HIF1A: variants seen among roughly 807,000 people sequenced by gnomAD.
HIF1A encodes the protein hypoxia-inducible factor 1-alpha.
A neutral mutation model predicts 92.7 loss-of-function variants in HIF1A; 24 were observed. The ratio of observed to expected loss-of-function variants is 0.26; its 90% CI spans 0.19 to 0.36. The LOEUF (loss-of-function observed/expected upper bound fraction) is 0.36. Among genes scored for constraint, HIF1A ranks in the 10% least tolerant of loss-of-function variants. The pLI, the probability that HIF1A is intolerant of heterozygous loss-of-function variation, is 1.00. For synonymous variants in HIF1A, 319 were observed against 338.7 expected, an observed-to-expected ratio of 0.94 and a Z score of 0.64; for missense variants, 799 against 998.5, an observed-to-expected ratio of 0.80 and a Z score of 2.69.
At chr14:61,696,241 C>T (rs1025864542) in intron 1 of HIF1A, among the ~76,000 whole-genome samples, 1 of 152,280 alleles carries the variant, frequency 6.6e-6, no homozygotes, top group Non-Finnish European at 1.5e-5. Context: ...CCGCGGTTTG[C>T]ACCCGGAGCT....
At chr14:61,716,087 A>C (rs1035514515) in intron 1 of HIF1A, among the ~76,000 whole-genome samples, 2 of 152,168 alleles carry the variant, frequency 1.3e-5, no homozygotes, top group Non-Finnish European at 2.9e-5. Context: ...TGGGCCTGAG[A>C]CTTTAAGAAG....
chr14:61,702,273 CAAA>C (rs34312928), intron 1 of HIF1A, among the ~76,000 whole-genome samples: 1 of 101,968 alleles, frequency 9.8e-6, no homozygotes, highest in Non-Finnish European at 1.9e-5. Flanking sequence ...ACTAAAAATA[CAAA>C]AAAAAAAAAA....
chr14:61,745,950 G>A (rs143149331), intron 14 of HIF1A, 133 bp downstream of exon 14: 13,958 of 769,326 alleles, frequency 0.018, 189 homozygotes, highest in African/African-American at 0.036. Flanking sequence ...GTGGCTGGGC[G>A]CGGTGGCTCA....
At chr14:61,736,322 C>G (rs1320447148) in intron 8 of HIF1A, among the ~76,000 whole-genome samples, 3 of 152,048 alleles carry the variant, frequency 2.0e-5, no homozygotes, top group Admixed American at 2.0e-4. Context: ...TTATCTTGTA[C>G]TGGGGATTTT....
At chr14:61,712,677 T>C (rs570180821) in intron 1 of HIF1A, among the ~76,000 whole-genome samples, 75 of 150,988 alleles carry the variant, frequency 5.0e-4, no homozygotes, top group Middle Eastern at 3.5e-3. Flanking sequence ...GATATGCTGG[T>C]TAATTATGAT....
intron 1 of HIF1A, among the ~76,000 whole-genome samples, chr14:61,700,988 C>G (rs1358419244): frequency 6.6e-6 from 1 of 152,164 alleles, no homozygotes; most frequent in East Asian, 1.9e-4. Context: ...AAGGAGAATT[C>G]AATTTTTCTA....
At chr14:61,707,375 A>C (rs2044251574) in intron 1 of HIF1A, among the ~76,000 whole-genome samples, 1 of 152,082 alleles carries the variant, frequency 6.6e-6, no homozygotes, top group Admixed American at 6.5e-5. Context: ...TTACATATGT[A>C]TACATGTGCC....
intron 5 of HIF1A, 77 bp downstream of exon 5, chr14:61,726,895 T>C: frequency 1.2e-6 from 1 of 801,118 alleles, no homozygotes; most frequent in South Asian, 2.0e-5. Flanking sequence ...AACTTTAGAA[T>C]TGTGAGGGAA....
intron 12 of HIF1A, among the ~76,000 whole-genome samples, chr14:61,742,197 A>G (rs1178214771): frequency 3.9e-5 from 6 of 152,162 alleles, no homozygotes; most frequent in Non-Finnish European, 8.8e-5. Flanking sequence ...TTGTAAGGGG[A>G]TTTCACATAT....
chr14:61,698,032 G>A (rs1002605317), intron 1 of HIF1A: 1 of 711,136 alleles, frequency 1.4e-6, no homozygotes, highest in Non-Finnish European at 2.1e-6. Context: ...TTATTTAATA[G>A]CACGTGCATT....
chr14:61,723,011 T>C (rs2044452287), intron 4 of HIF1A, among the ~76,000 whole-genome samples: 1 of 152,252 alleles, frequency 6.6e-6, no homozygotes, highest in South Asian at 2.1e-4. Context: ...TGTGCCTTCT[T>C]AAGCAGTGTA....
chr14:61,747,095 TAA>T lies in HIF1A; in HGVS notation c.*11_*12del. 6.3e-7 allele frequency: 1 copy of T among 1,596,842 alleles called. No individual in the cohort carries two copies. Among genetic ancestry groups the T allele is most frequent in the Non-Finnish European group, 8.5e-7 (1 of 1,174,976 alleles). On this transcript the variant is annotated 3_prime_UTR_variant, in exon 15 of 15. Transcript: ENST00000337138. ...GGATCAAGTTAACTGAGCTTTTTCT[TAA>T]TTTCATTCCTTTTTTTGGACACTGG...
intron 4 of HIF1A, among the ~76,000 whole-genome samples, chr14:61,723,641 A>G (rs779825578): frequency 2.8e-4 from 42 of 152,330 alleles, no homozygotes; most frequent in Non-Finnish European, 4.6e-4. Flanking sequence ...TGGGTTGTCA[A>G]TGAGTTTAAT....
chr14:61,736,860 T>C, intron 8 of HIF1A, 29 bp from the exon 9 acceptor site: 1 of 1,510,938 alleles, frequency 6.6e-7, no homozygotes, highest in South Asian at 1.1e-5. Context: ...TGCTCATTTG[T>C]GAATTACCAA....
intron 6 of HIF1A, among the ~76,000 whole-genome samples, chr14:61,727,923 C>T (rs2044526203): frequency 2.7e-5 from 4 of 150,932 alleles, no homozygotes; most frequent in Non-Finnish European, 5.9e-5. Context: ...GAGGCTGAGG[C>T]AGGAGAATCG....
chr14:61,701,174 T>C (rs1272032746), intron 1 of HIF1A, among the ~76,000 whole-genome samples: 1 of 152,262 alleles, frequency 6.6e-6, no homozygotes, highest in African/African-American at 2.4e-5. Context: ...AGATGTTAGC[T>C]TTTAGCTGTT....
At chr14:61,728,286 G>A (rs1288570893) in intron 6 of HIF1A, among the ~76,000 whole-genome samples, 2 of 152,128 alleles carry the variant, frequency 1.3e-5, no homozygotes, top group African/African-American at 2.4e-5. Context: ...ACCTTAGGTT[G>A]GGGACTAGAA....
intron 4 of HIF1A, among the ~76,000 whole-genome samples, chr14:61,723,278 C>G (rs943819604): frequency 2.9e-5 from 2 of 69,438 alleles, no homozygotes; most frequent in Non-Finnish European, 1.1e-4. Flanking sequence ...GCTTTTAACT[C>G]CTTTATTCCT....
intron 4 of HIF1A, among the ~76,000 whole-genome samples, chr14:61,724,381 C>CTCTCTCTCTCT (rs71117849): frequency 6.9e-6 from 1 of 145,212 alleles, no homozygotes; most frequent in Non-Finnish European, 1.5e-5. Flanking sequence ...CTCTCTCTCT[C>CTCTCTCTCTCT]CCCCTCCCTC....
Sources: allele counts gnomAD v4.1 joint callset (sites outside exome capture counted in the v4.1 genomes callset), GRCh38; gene constraint gnomAD v4.1.1; transcripts MANE v1.5; gene names NCBI Gene and HGNC (gene_info 2026-07-23, HGNC 2026-07-21).